Variants in CDH13 observed in about 807,000 individuals in gnomAD.
The protein encoded by CDH13 is cadherin-13.
In CDH13, 24 loss-of-function variants were observed where a neutral mutation model predicts 63.8. The observed-to-expected ratio is 0.38, with a 90% CI of 0.27 to 0.53. The LOEUF (loss-of-function observed/expected upper bound fraction) is 0.53, where lower values mean the gene tolerates loss of function less well. CDH13 is among the 20% of genes least tolerant of loss of function. The pLI, the probability that CDH13 is intolerant of heterozygous loss-of-function variation, is 0.85. For missense variants in CDH13, 1,049 were observed against 903.1 expected, an observed-to-expected ratio of 1.16 and a Z score of -2.07; for synonymous variants, 503 against 355.3, an observed-to-expected ratio of 1.42 and a Z score of -4.67.
chr16:83,051,263 G>T (rs1292815981), intron 3 of CDH13, among the ~76,000 whole-genome samples: 1 of 152,104 alleles, frequency 6.6e-6, no homozygotes, highest in Non-Finnish European at 1.5e-5. Context: ...TCCTACCAAA[G>T]TAAGCTGCTT....
intron 10 of CDH13, among the ~76,000 whole-genome samples, chr16:83,741,445 G>A (rs1289816369): frequency 2.7e-5 from 4 of 150,748 alleles, no homozygotes; most frequent in South Asian, 2.1e-4. Flanking sequence ...TATTTTCTAC[G>A]TTTCTCATAG....
Position 83,531,342 on chromosome 16 carries a change from G to A in CDH13, c.960+44687G>A, listed in dbSNP as rs565582697. On this transcript the variant is annotated intron_variant, in intron 7 of 13. Transcript: ENST00000567109. The stretch of plus-strand genomic sequence containing the variant: ...CACAGTATAATAGAAATAGGAAGGT[G>A]TGTGTGATAGACTAAAAGATGGCTC... 1.5e-3 allele frequency among the ~76,000 whole-genome samples: 231 copies of A among 152,296 alleles called. 2 individuals carry two copies. Among genetic ancestry groups the A allele is most frequent in the African/African-American group, 5.3e-3 (220 of 41,558 alleles).
intron 3 of CDH13, among the ~76,000 whole-genome samples, chr16:83,088,221 C>G (rs1474308209): frequency 2.0e-5 from 3 of 152,176 alleles, no homozygotes; most frequent in Admixed American, 6.5e-5. Flanking sequence ...GCAGATTCAA[C>G]TCTGACATGT....
At chr16:82,980,578 T>C (rs1007998865) in intron 2 of CDH13, among the ~76,000 whole-genome samples, 1 of 152,238 alleles carries the variant, frequency 6.6e-6, no homozygotes, top group African/African-American at 2.4e-5. Context: ...TGCGGAGCTC[T>C]TAAGTCAAAC....
At chr16:82,724,915 A>G (rs1420224941) in intron 1 of CDH13, among the ~76,000 whole-genome samples, 1 of 152,180 alleles carries the variant, frequency 6.6e-6, no homozygotes, top group East Asian at 1.9e-4. Context: ...CAGCTTCCCC[A>G]CCTATAAAAT....
intron 7 of CDH13, among the ~76,000 whole-genome samples, chr16:83,490,046 C>G (rs577281106): frequency 8.2e-4 from 121 of 147,608 alleles, no homozygotes; most frequent in African/African-American, 1.6e-3. Context: ...CACACACACA[C>G]ACAGCTCACC....
chr16:82,795,632 C>A (rs1003789952), intron 1 of CDH13, among the ~76,000 whole-genome samples: 1 of 152,184 alleles, frequency 6.6e-6, no homozygotes, highest in Non-Finnish European at 1.5e-5. Flanking sequence ...CACCCAAGGT[C>A]CTACAGTTGT....
chr16:83,592,038 A>G (rs1906808368), intron 7 of CDH13, among the ~76,000 whole-genome samples: 1 of 152,106 alleles, frequency 6.6e-6, no homozygotes, highest in African/African-American at 2.4e-5. Context: ...CTCTCCACCT[A>G]TAATGTCTAA....
intron 6 of CDH13, among the ~76,000 whole-genome samples, chr16:83,434,209 T>C (rs2072214282): frequency 1.3e-5 from 2 of 152,136 alleles, no homozygotes; most frequent in Admixed American, 1.3e-4. Flanking sequence ...CGAACTCTGC[T>C]CCAGTTTCAA....
chr16:82,869,122 C>G (rs4608328), intron 2 of CDH13, among the ~76,000 whole-genome samples: 2 of 152,184 alleles, frequency 1.3e-5, no homozygotes, highest in African/African-American at 2.4e-5. Flanking sequence ...TCTCAACTCA[C>G]TGCAACCTCT....
chr16:83,316,000 A>G (rs1210929371), intron 5 of CDH13, among the ~76,000 whole-genome samples: 2 of 152,172 alleles, frequency 1.3e-5, no homozygotes, highest in African/African-American at 4.8e-5. Flanking sequence ...GGTTTAATTG[A>G]CTCACAGTTC....
At chr16:83,570,948 T>G (rs1278576458) in intron 7 of CDH13, among the ~76,000 whole-genome samples, 7 of 51,674 alleles carry the variant, frequency 1.4e-4, no homozygotes, top group African/African-American at 6.1e-4. Context: ...AACTCATCCA[T>G]ATATATATAT....
At chr16:83,153,671 G>A (rs572877673) in intron 4 of CDH13, among the ~76,000 whole-genome samples, 6 of 152,198 alleles carry the variant, frequency 3.9e-5, no homozygotes, top group South Asian at 2.1e-4. Context: ...TTGCAAAGGC[G>A]GTTTCAATCC....
At chr16:82,904,265 C>G (rs374527576) in intron 2 of CDH13, among the ~76,000 whole-genome samples, 1 of 152,160 alleles carries the variant, frequency 6.6e-6, no homozygotes, top group East Asian at 1.9e-4. Flanking sequence ...TGCCTCAGGT[C>G]TGCACAGAAC....
At chr16:82,733,073 A>G (rs2033484586) in intron 1 of CDH13, among the ~76,000 whole-genome samples, 1 of 152,190 alleles carries the variant, frequency 6.6e-6, no homozygotes, top group Non-Finnish European at 1.5e-5. Flanking sequence ...ATGTGTGGGT[A>G]ATTGTGCCTA....
intron 3 of CDH13, among the ~76,000 whole-genome samples, chr16:83,059,017 G>T (rs900712853): frequency 6.6e-6 from 1 of 152,090 alleles, no homozygotes; most frequent in African/African-American, 2.4e-5. Context: ...GGAGATTCCC[G>T]GGAAGAAAAG....
chr16:83,318,511 A>T (rs2090152946), intron 5 of CDH13, among the ~76,000 whole-genome samples: 1 of 152,224 alleles, frequency 6.6e-6, no homozygotes, highest in African/African-American at 2.4e-5. Flanking sequence ...ATCCCACATG[A>T]AACCTGATTC....
intron 2 of CDH13, among the ~76,000 whole-genome samples, chr16:82,957,360 T>C (rs548518849): frequency 6.6e-6 from 1 of 152,228 alleles, no homozygotes; most frequent in Admixed American, 6.5e-5. Flanking sequence ...CTTCCAAACA[T>C]GGCAATCCTG....
chr16:83,674,091 C>G (rs1914750739), intron 9 of CDH13, among the ~76,000 whole-genome samples: 1 of 152,204 alleles, frequency 6.6e-6, no homozygotes, highest in Non-Finnish European at 1.5e-5. Flanking sequence ...GCCATGCTCT[C>G]TGCTGCTGTC....
Sources: gnomAD v4.1 joint callset for allele counts (sites outside exome capture counted in the v4.1 genomes callset) on GRCh38, gnomAD v4.1.1 for gene constraint, MANE v1.5 for transcripts, NCBI Gene and HGNC (gene_info 2026-07-23, HGNC 2026-07-21) for gene names.